The following GRIN2A variants were observed in gnomAD, a reference collection of about 807,000 sequenced individuals.
The protein encoded by GRIN2A is glutamate receptor ionotropic, NMDA 2A.
A neutral mutation model predicts 113.4 loss-of-function variants in GRIN2A; 22 were observed. The observed-to-expected ratio is 0.19, with a 90% confidence interval of 0.14 to 0.28. The LOEUF is 0.28. Ranked by LOEUF, GRIN2A falls within the 10% of genes least tolerant of loss-of-function variation. The pLI, the probability that GRIN2A is intolerant of heterozygous loss-of-function variation, is 1.00. For synonymous variants in GRIN2A, 827 were observed against 738.4 expected (o/e 1.12, Z -1.94); for missense variants, 1,502 against 1,887.0 (o/e 0.80, Z 3.78).
chr16:9,863,146 C>T (rs1020874992), intron 4 of GRIN2A, among the ~76,000 whole-genome samples: 1 of 152,156 alleles, frequency 6.6e-6, no homozygotes, highest in African/African-American at 2.4e-5. Context: ...ATTTCCAAGG[C>T]TGCCATCCTA....
chr16:9,912,392 T>C (rs2044160715), intron 3 of GRIN2A, among the ~76,000 whole-genome samples: 1 of 151,874 alleles, frequency 6.6e-6, no homozygotes, highest in Admixed American at 6.6e-5. Flanking sequence ...AGAACCATGG[T>C]TCCAGAAACA....
chr16:10,034,038 T>A (rs1283390140), intron 2 of GRIN2A, among the ~76,000 whole-genome samples: 4 of 152,166 alleles, frequency 2.6e-5, no homozygotes, highest in African/African-American at 9.7e-5. Flanking sequence ...GAACACCTGC[T>A]GAAAGGTGAA....
chr16:9,882,501 A>G (rs1271445233), intron 4 of GRIN2A, among the ~76,000 whole-genome samples: 4 of 152,176 alleles, frequency 2.6e-5, no homozygotes, highest in Admixed American at 2.0e-4. Flanking sequence ...CAAAAAATAG[A>G]AGGGGCCGGG....
chr16:9,911,811 G>A (rs1376312084), intron 3 of GRIN2A, among the ~76,000 whole-genome samples: 3 of 152,184 alleles, frequency 2.0e-5, no homozygotes, highest in Non-Finnish European at 2.9e-5. Context: ...AAGGTTGAGT[G>A]AACACTTTTA....
At chr16:9,807,319 AGTG>A (rs1340006496) in intron 10 of GRIN2A, among the ~76,000 whole-genome samples, 2 of 14,162 alleles carry the variant, frequency 1.4e-4, no homozygotes, top group African/African-American at 3.4e-4. Flanking sequence ...AGGGGGAAAA[AGTG>A]GGGGGAGAGA....
intron 2 of GRIN2A, among the ~76,000 whole-genome samples, chr16:10,159,233 G>A (rs915935140): frequency 2.6e-5 from 4 of 152,094 alleles, no homozygotes; most frequent in Non-Finnish European, 5.9e-5. Flanking sequence ...TTCCTTCCAA[G>A]CAAGGAAGGC....
intron 5 of GRIN2A, among the ~76,000 whole-genome samples, chr16:9,846,623 T>C (rs2042776778): frequency 6.6e-6 from 1 of 152,070 alleles, no homozygotes; most frequent in South Asian, 2.1e-4. Flanking sequence ...TAAGTCACAT[T>C]CCCTATATGT....
In GRIN2A at chr16:9,829,608, G is replaced by T; in HGVS notation, c.1822C>A (p.Leu608Ile). Reference protein sequence around the residue: ...SFTIGKAIWLLWGLVFNNSVP... With the variant: ...SFTIGKAIWLIWGLVFNNSVP... The stretch of plus-strand genomic sequence containing the variant: ...GAGTTATTGAACACCAGGCCCCAAA[G>T]AAGCCATATAGCTTTTCCAATTGTA... The change falls in exon 9 of 13, where the codon CTT becomes ATT. Residue 608 changes from leucine (L) to isoleucine (I), a missense_variant. This residue lies in a region of GRIN2A where 82 missense variants were observed against 222.7 expected (regional missense o/e 0.37). Transcript: ENST00000330684. 2 of 1,613,986 alleles carry T rather than the reference G, an allele frequency of 1.2e-6. No individual in the cohort carries two copies. The highest frequency in any genetic ancestry group is 1.7e-6 in the Non-Finnish European group (2 of 1,179,916).
At chr16:9,952,195 G>A (rs1049341278) in intron 2 of GRIN2A, among the ~76,000 whole-genome samples, 5 of 152,182 alleles carry the variant, frequency 3.3e-5, no homozygotes, top group Non-Finnish European at 7.3e-5. Flanking sequence ...GCATGCTCCA[G>A]TAGTGAGAGT....
chr16:9,902,878 G>A (rs896849469), intron 3 of GRIN2A, among the ~76,000 whole-genome samples: 5 of 147,230 alleles, frequency 3.4e-5, no homozygotes, highest in Non-Finnish European at 7.4e-5. Flanking sequence ...TTTTAACAAG[G>A]CTGATTTCAA....
At chr16:9,993,214 C>T (rs1449388573) in intron 2 of GRIN2A, among the ~76,000 whole-genome samples, 8 of 152,052 alleles carry the variant, frequency 5.3e-5, no homozygotes, top group African/African-American at 1.9e-4. Context: ...GCCTCGGCTA[C>T]ACAGCAAGAC....
chr16:9,924,257 T>A (rs1486680320), intron 3 of GRIN2A, among the ~76,000 whole-genome samples: 1 of 152,204 alleles, frequency 6.6e-6, no homozygotes, highest in Admixed American at 6.5e-5. Context: ...CATTTAATAT[T>A]TTTTTGTAAT....
chr16:9,940,018 G>GAGAGAGAGAGAGAGAGAGAGAGAA (rs1313867752), intron 2 of GRIN2A, among the ~76,000 whole-genome samples: 16 of 124,274 alleles, frequency 1.3e-4, no homozygotes, highest in African/African-American at 4.5e-4. Context: ...GGATTCCACT[G>GAGAGAGAGAGAGAGAGAGAGAGAA]AGAGAGAGAG....
At position 9,763,514 on chromosome 16, in the gene GRIN2A, A is replaced by G. The variant is rs2141127334; in HGVS notation, c.4030T>C (p.Phe1344Leu). 6.2e-7 allele frequency: 1 copy of G among 1,614,070 alleles called. No individual in the cohort carries two copies. Among genetic ancestry groups the G allele is most frequent in the Non-Finnish European group, 8.5e-7 (1 of 1,179,992 alleles). The change falls in exon 13 of 13, where the codon TTC becomes CTC. Residue 1344 changes from phenylalanine (F) to leucine (L), a missense_variant. Phe to Leu is a conservative substitution (Grantham distance 22, BLOSUM62 0). Transcript: ENST00000330684. ...TTGCTGTCCTCCAGACCTTGGGGGA[A>G]AAGGGAGCTTTTTTTCCCCGAGAGT... is the stretch of plus-strand genomic sequence containing the variant. Reference protein sequence around the residue: ...SKLSGKKSSLFPQGLEDSKRS... With the variant: ...SKLSGKKSSLLPQGLEDSKRS...
intron 2 of GRIN2A, among the ~76,000 whole-genome samples, chr16:10,170,070 C>G (rs1184056048): frequency 6.6e-6 from 1 of 152,142 alleles, no homozygotes; most frequent in Admixed American, 6.5e-5. Flanking sequence ...TATGGGATAA[C>G]AGAGTGGGGA....
At chr16:9,765,012 C>G in intron 12 of GRIN2A, 64 bp from the exon 13 acceptor site, 1 of 1,605,922 alleles carries the variant, frequency 6.2e-7, no homozygotes, top group South Asian at 1.1e-5. Context: ...CCACTTTGCA[C>G]TTGAACTTTA....
intron 2 of GRIN2A, among the ~76,000 whole-genome samples, chr16:10,003,882 G>A (rs1194366658): frequency 1.3e-5 from 2 of 152,192 alleles, no homozygotes; most frequent in Non-Finnish European, 2.9e-5. Context: ...TTTTGGTCAA[G>A]TTATTTCAGG....
Position 9,755,484 on chromosome 16 carries a change from C to T in GRIN2A, c.*7665G>A. 5.5e-6 allele frequency: 1 copy of T among 182,716 alleles called. No individual in the cohort carries two copies. The highest frequency in any genetic ancestry group is 1.2e-5 in the Non-Finnish European group (1 of 85,734). The allele number at this position is 182,716 out of a possible 1,614,324, so 11.3% of individuals were successfully genotyped here. On this transcript the variant is annotated 3_prime_UTR_variant, in exon 13 of 13. Coordinates refer to ENST00000330684, the MANE Select transcript of GRIN2A (RefSeq NM_001134407.3). ...ATGAAAACAGCTGAGAAATTTTTCT[C>T]ATAGACTAGCACTTAACTTGCATTA...
At chr16:9,942,258 C>G (rs1480236732) in intron 2 of GRIN2A, among the ~76,000 whole-genome samples, 1 of 152,090 alleles carries the variant, frequency 6.6e-6, no homozygotes, top group Non-Finnish European at 1.5e-5. Context: ...ATAGGCCTAC[C>G]ATGTTAAGTT....
Sources: allele counts gnomAD v4.1 joint callset (sites outside exome capture counted in the v4.1 genomes callset), GRCh38; gene constraint gnomAD v4.1.1; regional missense constraint gnomAD v4.1.1; transcripts MANE v1.5; gene names NCBI Gene and HGNC (gene_info 2026-07-23, HGNC 2026-07-21).